XPNPEP2: variants seen among roughly 807,000 people sequenced by gnomAD.
XPNPEP2 encodes X-prolyl aminopeptidase 2.
Under a neutral mutation model 59.8 loss-of-function variants are expected in XPNPEP2, and 64 were observed. That is an observed-to-expected ratio of 1.07 (90% confidence interval 0.87 to 1.32). The LOEUF (loss-of-function observed/expected upper bound fraction) is 1.32, where lower values mean the gene tolerates loss of function less well. XPNPEP2 is among the 40% of genes most tolerant of loss of function. XPNPEP2 has a pLI of 0.00. For synonymous variants in XPNPEP2, 235 were observed against 210.0 expected (o/e 1.12, Z -1.03); for missense variants, 575 against 546.8 (o/e 1.05, Z -0.51).
At chrX:129,740,706 G>A (rs1926159511) in intron 1 of XPNPEP2, among the ~76,000 whole-genome samples, 1 of 106,596 alleles carries the variant, frequency 9.4e-6, no homozygotes, top group Admixed American at 9.9e-5. Flanking sequence ...TTGGGAGGCC[G>A]GGGCGGGTGG....
In XPNPEP2 at chrX:129,755,215, T is replaced by C. The variant is rs774705593; in HGVS notation, c.1218-79T>C. ...GAGGTAGAGGCAGCCATGACCTTCA[T>C]TGGATTTGATTAGATATCCCGGGCC... On this transcript the variant is annotated intron_variant, in intron 12 of 20. Transcript: ENST00000371106. 19 of 997,279 alleles carry C rather than the reference T, an allele frequency of 1.9e-5. No homozygotes were observed. In the East Asian group the frequency reaches 4.0e-4, roughly 21 times the overall value. 82.2% of individuals were successfully genotyped at this position (997,279 alleles called of 1,213,427 possible).
At position 129,754,591 on chromosome X, in the gene XPNPEP2, C is replaced by T; in HGVS notation, c.1217+10C>T. The T allele has an allele frequency of 8.6e-7, 1 of 1,168,084 alleles. No homozygotes were observed. ...TGGACAAGTTCCGAGGGTGAAGAGCCACGGCCGTCCTTTTTGGCTGACTGT... is the reference window on the plus strand; with the variant it reads ...TGGACAAGTTCCGAGGGTGAAGAGCTACGGCCGTCCTTTTTGGCTGACTGT... On this transcript the variant is annotated intron_variant, in intron 12 of 20. Coordinates refer to ENST00000371106, the MANE Select transcript of XPNPEP2 (RefSeq NM_003399.6).
chrX:129,745,783 A>G (rs1254874127), intron 4 of XPNPEP2, among the ~76,000 whole-genome samples: 5 of 111,277 alleles, frequency 4.5e-5, no homozygotes, highest in African/African-American at 9.8e-5. Flanking sequence ...TCCTTTCCTG[A>G]TCCTCAAACA....
Position 129,750,527 on chromosome X carries a change from G to A in XPNPEP2, c.697G>A (p.Val233Ile). 1 of 1,195,657 alleles carries A rather than the reference G, an allele frequency of 8.4e-7. No individual in the cohort carries two copies. The highest frequency in any genetic ancestry group is 1.1e-6 in the Non-Finnish European group (1 of 887,755). ...AAGCCAGATGCAGAAGCATCAAAAG[G>A]TCCCGACTGCCGTCCTTCTGTCGGC... The part of the protein sequence containing the change: ...VRSQMQKHQK[V>I]PTAVLLSALE... The change falls in exon 8 of 21, where the codon GTC becomes ATC. Residue 233 changes from valine to isoleucine, a missense_variant. Coordinates refer to ENST00000371106, the MANE Select transcript of XPNPEP2 (RefSeq NM_003399.6).
intron 15 of XPNPEP2, among the ~76,000 whole-genome samples, chrX:129,759,624 T>C (rs760087485): frequency 1.8e-5 from 2 of 112,838 alleles, no homozygotes; most frequent in African/African-American, 6.4e-5. Context: ...CATCGAGGGC[T>C]GGCCAGCTGG....
chrX:129,754,633 G>A (rs777291115), intron 12 of XPNPEP2, 52 bp downstream of exon 12: 16 of 1,062,769 alleles, frequency 1.5e-5, no homozygotes, highest in Non-Finnish European at 1.8e-5. Flanking sequence ...GTGTGGCAGT[G>A]GGGGCAGGGA....
intron 8 of XPNPEP2, among the ~76,000 whole-genome samples, chrX:129,751,283 G>A (rs749687370): frequency 2.8e-4 from 31 of 109,277 alleles, no homozygotes; most frequent in African/African-American, 8.3e-4. Flanking sequence ...CAAGGTGGGC[G>A]GATCACCTGA....
intron 2 of XPNPEP2, among the ~76,000 whole-genome samples, chrX:129,742,696 G>C (rs1203283788): frequency 9.0e-6 from 1 of 111,484 alleles, no homozygotes; most frequent in African/African-American, 3.3e-5. Flanking sequence ...GAGGTCAGGA[G>C]TTCGAGACCA....
At chrX:129,747,457 G>C in intron 6 of XPNPEP2, 150 bp from the exon 7 acceptor site, 1 of 728,835 alleles carries the variant, frequency 1.4e-6, no homozygotes, top group Non-Finnish European at 2.0e-6. Flanking sequence ...ACATGCCGGG[G>C]GTGGGGGGTG....
chrX:129,765,635 C>CTTTTTTTTTTTTTTTTTTTTTTT (rs56014067), intron 19 of XPNPEP2, among the ~76,000 whole-genome samples: 1 of 67,344 alleles, frequency 1.5e-5, no homozygotes, highest in Non-Finnish European at 2.7e-5. Flanking sequence ...TTCTTTCTTT[C>CTTTTTTTTTTTTTTTTTTTTTTT]TTTTTTTTTT....
At chrX:129,758,991 T>A (rs1252991629) in intron 14 of XPNPEP2, among the ~76,000 whole-genome samples, 189 bp from the exon 15 acceptor site, 2 of 111,541 alleles carry the variant, frequency 1.8e-5, no homozygotes, top group Non-Finnish European at 3.8e-5. Flanking sequence ...AACTTTTAAC[T>A]TGATAGGTTT....
intron 10 of XPNPEP2, among the ~76,000 whole-genome samples, chrX:129,752,749 G>A (rs1467797547): frequency 8.9e-6 from 1 of 112,392 alleles, no homozygotes; most frequent in Non-Finnish European, 1.9e-5. Context: ...AGATCTAAAG[G>A]AGATAGTGTA....
chrX:129,761,691 G>A (rs1430968607), intron 17 of XPNPEP2, among the ~76,000 whole-genome samples: 1 of 112,146 alleles, frequency 8.9e-6, no homozygotes, highest in Admixed American at 9.4e-5. Flanking sequence ...AGGTATGGTG[G>A]CATGTGCCTG....
At chrX:129,765,413 G>T (rs1159978562) in intron 19 of XPNPEP2, among the ~76,000 whole-genome samples, 2 of 111,313 alleles carry the variant, frequency 1.8e-5, no homozygotes, top group African/African-American at 6.5e-5. Context: ...AAGACAAAAA[G>T]TACAAGCATT....
chrX:129,738,991 G>C lies in XPNPEP2; in HGVS notation c.-223G>C, dbSNP rs540108297. 4.7e-6 allele frequency: 2 copies of C among 424,575 alleles called. No individual in the cohort carries two copies. Among genetic ancestry groups the C allele is most frequent in the African/African-American group, 2.5e-5 (1 of 39,845 alleles). The allele number at this position is 424,575 out of a possible 1,213,427, so 35.0% of individuals were successfully genotyped here. On this transcript the variant is annotated 5_prime_UTR_variant, in exon 1 of 21. Coordinates refer to ENST00000371106, the MANE Select transcript of XPNPEP2 (RefSeq NM_003399.6). ...ACTAGGAACTTGCACAGTCCGCCTC[G>C]GGCAGCCCAAAGCTCCTCTGCCCAC...
At chrX:129,763,643 A>G (rs1926697164) in intron 19 of XPNPEP2, among the ~76,000 whole-genome samples, 1 of 111,479 alleles carries the variant, frequency 9.0e-6, no homozygotes, top group East Asian at 2.8e-4. Context: ...ACTGCACTCT[A>G]GCCTCGGTAA....
intron 2 of XPNPEP2, 43 bp downstream of exon 2, chrX:129,742,224 C>T (rs1256696888): frequency 2.3e-5 from 17 of 744,180 alleles, no homozygotes; most frequent in Admixed American, 9.6e-5. Context: ...CCTGGCCCCA[C>T]GCACCCCCCC....
At chrX:129,745,664 A>G (rs946977641) in intron 4 of XPNPEP2, among the ~76,000 whole-genome samples, 4 of 111,794 alleles carry the variant, frequency 3.6e-5, no homozygotes, top group Non-Finnish European at 7.5e-5. Flanking sequence ...TACGGACAAC[A>G]TCACTTCACA....
intron 14 of XPNPEP2, among the ~76,000 whole-genome samples, chrX:129,758,969 A>G (rs1045774647): frequency 3.6e-5 from 4 of 111,511 alleles, no homozygotes; most frequent in African/African-American, 1.3e-4. Context: ...CACACTTGTC[A>G]GACAACTTAG....
Sources: gnomAD v4.1 joint callset for allele counts (sites outside exome capture counted in the v4.1 genomes callset) on GRCh38, gnomAD v4.1.1 for gene constraint, MANE v1.5 for transcripts, NCBI Gene and HGNC (gene_info 2026-07-23, HGNC 2026-07-21) for gene names.